Variants in RPS6KC1 observed in about 807,000 individuals in gnomAD.
RPS6KC1 encodes the protein inactive ribosomal protein S6 kinase delta-1.
Under a neutral mutation model 103.8 loss-of-function variants are expected in RPS6KC1, and 54 were observed. That is an observed-to-expected ratio of 0.52 (90% confidence interval 0.42 to 0.65). The LOEUF is 0.65. Among genes scored for constraint, RPS6KC1 ranks in the 30% least tolerant of loss-of-function variants. The pLI is 0.00. For missense variants in RPS6KC1, 1,151 were observed against 1,253.8 expected (o/e 0.92, Z 1.24); for synonymous variants, 439 against 438.7 (o/e 1.00, Z -0.01).
chr1:213,456,828 C>T, the RPS6KC1 span, among the ~76,000 whole-genome samples: 1 of 152,148 alleles, frequency 6.6e-6, no homozygotes, highest in South Asian at 2.1e-4. Context: ...CTCTACCTAC[C>T]CCTTGTCCCA....
At chr1:213,309,061 G>A in the RPS6KC1 span, among the ~76,000 whole-genome samples, 3 of 152,156 alleles carry the variant, frequency 2.0e-5, no homozygotes, top group African/African-American at 7.2e-5. Context: ...GGAGGCCGAG[G>A]TGGGTGGATC....
the RPS6KC1 span, among the ~76,000 whole-genome samples, chr1:213,505,506 GATA>G: frequency 6.6e-6 from 1 of 152,150 alleles, no homozygotes; most frequent in South Asian, 2.1e-4. Flanking sequence ...GGAAAATGGG[GATA>G]ATAACAGAAC....
intron 1 of RPS6KC1, among the ~76,000 whole-genome samples, chr1:213,054,293 C>T (rs1383374878): frequency 6.6e-6 from 1 of 152,190 alleles, no homozygotes; most frequent in Non-Finnish European, 1.5e-5. Flanking sequence ...GAAAATTGCA[C>T]AGACTGCCTT....
At chr1:213,564,285 T>C in the RPS6KC1 span, among the ~76,000 whole-genome samples, 1 of 152,214 alleles carries the variant, frequency 6.6e-6, no homozygotes. Context: ...CTGTTGTTAA[T>C]TTATTGCTTC....
chr1:213,646,880 T>C, the RPS6KC1 span, among the ~76,000 whole-genome samples: 1 of 111,028 alleles, frequency 9.0e-6, no homozygotes, highest in East Asian at 2.4e-4. Context: ...TATGTGTGTA[T>C]GCATATATAT....
chr1:213,326,668 C>T, the RPS6KC1 span, among the ~76,000 whole-genome samples: 1 of 152,218 alleles, frequency 6.6e-6, no homozygotes, highest in Non-Finnish European at 1.5e-5. Flanking sequence ...GCAACTGAGG[C>T]TTGTTTGTGG....
At chr1:213,297,764 C>T in the RPS6KC1 span, among the ~76,000 whole-genome samples, 4 of 152,088 alleles carry the variant, frequency 2.6e-5, no homozygotes, top group Non-Finnish European at 5.9e-5. Flanking sequence ...GCATGTACCA[C>T]CACGCTAAGC....
chr1:213,104,424 C>T, intron 3 of RPS6KC1, 30 bp from the exon 4 acceptor site: 1 of 1,375,516 alleles, frequency 7.3e-7, no homozygotes. Context: ...ATCATTCTTC[C>T]CTTAAGTGTT....
At chr1:213,152,256 G>A (rs1157151996) in intron 6 of RPS6KC1, among the ~76,000 whole-genome samples, 4 of 146,672 alleles carry the variant, frequency 2.7e-5, no homozygotes, top group Non-Finnish European at 4.5e-5. Context: ...CCTCCCGGAC[G>A]GGGCGGCTGG....
chr1:213,522,419 G>T, the RPS6KC1 span, among the ~76,000 whole-genome samples: 14 of 152,148 alleles, frequency 9.2e-5, no homozygotes, highest in Non-Finnish European at 1.9e-4. Context: ...TTTTTAGAAT[G>T]GTCAATGAGC....
At chr1:213,079,642 T>A (rs1249414811) in intron 3 of RPS6KC1, among the ~76,000 whole-genome samples, 1 of 152,088 alleles carries the variant, frequency 6.6e-6, no homozygotes, top group African/African-American at 2.4e-5. Flanking sequence ...GGTCTTGAAC[T>A]CCTGGGCTTA....
the RPS6KC1 span, among the ~76,000 whole-genome samples, chr1:213,736,945 T>A: frequency 6.6e-6 from 1 of 152,256 alleles, no homozygotes; most frequent in South Asian, 2.1e-4. Flanking sequence ...CCCAAGGAGC[T>A]CTTTGAGGGC....
the RPS6KC1 span, among the ~76,000 whole-genome samples, chr1:213,717,314 C>T: frequency 1.3e-5 from 2 of 152,204 alleles, no homozygotes; most frequent in Admixed American, 1.3e-4. Flanking sequence ...TGCTCAAGGG[C>T]TTCAAGGGCA....
At chr1:213,060,462 C>G (rs1309388935) in intron 1 of RPS6KC1, among the ~76,000 whole-genome samples, 1 of 152,168 alleles carries the variant, frequency 6.6e-6, no homozygotes, top group East Asian at 1.9e-4. Context: ...AAAAATGGCT[C>G]TCAAGGTGTC....
chr1:213,102,773 G>A (rs1446729615), intron 3 of RPS6KC1, among the ~76,000 whole-genome samples: 3 of 152,126 alleles, frequency 2.0e-5, no homozygotes, highest in African/African-American at 7.2e-5. Context: ...TCAAGATACT[G>A]ATAAAAGTTA....
At chr1:213,593,462 A>G in the RPS6KC1 span, among the ~76,000 whole-genome samples, 2 of 152,188 alleles carry the variant, frequency 1.3e-5, no homozygotes, top group Admixed American at 1.3e-4. Context: ...GGGGTTACTA[A>G]TCAAGCAACA....
the RPS6KC1 span, among the ~76,000 whole-genome samples, chr1:213,488,754 A>C: frequency 6.6e-6 from 1 of 152,224 alleles, no homozygotes; most frequent in Non-Finnish European, 1.5e-5. Flanking sequence ...TCCCAAACTG[A>C]CATAAGATCT....
At position 213,240,756 on chromosome 1, in the gene RPS6KC1, G is replaced by A. The variant is rs1453308072; in HGVS notation, c.1280G>A (p.Ser427Asn). 6 of 1,613,708 alleles carry A rather than the reference G, an allele frequency of 3.7e-6. No homozygotes were observed. Among genetic ancestry groups the A allele is most frequent in the East Asian group, 2.2e-5 (1 of 44,876 alleles). Residue 427 changes from serine to asparagine, a missense_variant, in exon 11 of 15, where the codon AGC (serine) becomes AAC (asparagine). Physicochemically the swap from Ser to Asn is conservative, Grantham distance 46. Transcript: ENST00000366960. ...TTTCTAAACAGAAGTCCTGAAGAAA[G>A]CTTTGACATCAAGGAAGTGAAAAAA... ...SKFLNRSPEE[S>N]FDIKEVKKPT...
chr1:213,289,100 G>A, the RPS6KC1 span, among the ~76,000 whole-genome samples: 1 of 152,022 alleles, frequency 6.6e-6, no homozygotes, highest in East Asian at 1.9e-4. Context: ...CAGGGCCACT[G>A]TATTATCTTC....
Sources: gnomAD v4.1 joint callset for allele counts (sites outside exome capture counted in the v4.1 genomes callset) on GRCh38, gnomAD v4.1.1 for gene constraint, MANE v1.5 for transcripts, NCBI Gene and HGNC (gene_info 2026-07-23, HGNC 2026-07-21) for gene names.